RTN1: variants seen among roughly 807,000 people sequenced by gnomAD.
The protein encoded by RTN1 is reticulon-1.
In RTN1, 25 loss-of-function variants were observed where a neutral mutation model predicts 65.5. The observed-to-expected ratio is 0.38, with a 90% CI of 0.28 to 0.53. RTN1 has a LOEUF of 0.53. RTN1 is among the 20% of genes least tolerant of loss of function. RTN1 has a pLI of 0.79. For missense variants in RTN1, 983 were observed against 1,025.4 expected (o/e 0.96, Z 0.57); for synonymous variants, 471 against 447.6 (o/e 1.05, Z -0.66).
intron 1 of RTN1, among the ~76,000 whole-genome samples, chr14:59,841,298 T>C: frequency 6.6e-6 from 1 of 151,798 alleles, no homozygotes; most frequent in South Asian, 2.1e-4. Flanking sequence ...ATGAGACAAA[T>C]AAGAATGAAA....
intron 1 of RTN1, among the ~76,000 whole-genome samples, chr14:59,867,371 G>A (rs1594773517): frequency 2.6e-5 from 4 of 152,228 alleles, no homozygotes; most frequent in Admixed American, 1.3e-4. Flanking sequence ...GCCTACCTAC[G>A]GTGTATTAAA....
At chr14:59,785,822 T>G (rs1363594740) in intron 1 of RTN1, among the ~76,000 whole-genome samples, 1 of 152,148 alleles carries the variant, frequency 6.6e-6, no homozygotes, top group African/African-American at 2.4e-5. Context: ...CATTCACCCA[T>G]GAAGATTAAT....
At position 59,853,950 on chromosome 14, in the gene RTN1, C is replaced by T. The variant is rs189936831; in HGVS notation, c.241+16440G>A. Reference sequence around the variant, plus strand: ...TGTAATCTCGGCTCACTGCAACCTCCGCCTCCTGGGTTCAAGCCATTCTCC... The same window carrying T: ...TGTAATCTCGGCTCACTGCAACCTCTGCCTCCTGGGTTCAAGCCATTCTCC... On this transcript the variant is annotated intron_variant, in intron 1 of 8. Transcript: ENST00000267484. Among the ~76,000 whole-genome samples the T allele has an allele frequency of 7.6e-3, 1,154 of 151,038 alleles. 9 individuals carry two copies. Among genetic ancestry groups the T allele is most frequent in the Non-Finnish European group, 0.011 (753 of 67,784 alleles).
chr14:59,787,172 G>A (rs1886263683), intron 1 of RTN1, among the ~76,000 whole-genome samples: 1 of 152,042 alleles, frequency 6.6e-6, no homozygotes, highest in Admixed American at 6.6e-5. Context: ...ATGATGATTT[G>A]CACTGGCCCA....
chr14:59,775,431 C>T (rs73302017), intron 1 of RTN1, among the ~76,000 whole-genome samples: 4,950 of 152,040 alleles, frequency 0.033, 257 homozygotes, highest in African/African-American at 0.11. Context: ...CAAATCCTAT[C>T]CCAGTATTTT....
At position 59,633,522 on chromosome 14, in the gene RTN1, A is replaced by T. The variant is rs183621519; in HGVS notation, c.1766-26030T>A. ...GGGTGCTTTCTTTGCACAACTGCTC[A>T]CACAGTATTAATTGAAAGCTCTTGC... On this transcript the variant is annotated intron_variant, in intron 3 of 8. Transcript: ENST00000267484. Among the ~76,000 whole-genome samples, 51 of 152,370 alleles carry T rather than the reference A, an allele frequency of 3.3e-4. No individual in the cohort carries two copies. In the East Asian group the frequency reaches 5.0e-3, roughly 15 times the overall value.
intron 3 of RTN1, among the ~76,000 whole-genome samples, chr14:59,681,966 A>G (rs1355719261): frequency 6.6e-6 from 1 of 152,172 alleles, no homozygotes; most frequent in Non-Finnish European, 1.5e-5. Flanking sequence ...TCTTCTAACT[A>G]TCCTTTTGGT....
intron 3 of RTN1, among the ~76,000 whole-genome samples, chr14:59,608,752 C>A (rs1881846507): frequency 6.6e-6 from 1 of 152,130 alleles, no homozygotes; most frequent in African/African-American, 2.4e-5. Flanking sequence ...AGTAGGCAGA[C>A]CTTTGTTGGG....
chr14:59,713,157 G>A (rs1458090963), intron 3 of RTN1, among the ~76,000 whole-genome samples: 1 of 152,104 alleles, frequency 6.6e-6, no homozygotes, highest in Non-Finnish European at 1.5e-5. Flanking sequence ...AGTAGTAAGT[G>A]GAGAAGGTAA....
chr14:59,605,566 G>A (rs1363517709), intron 4 of RTN1, 60 bp from the exon 5 acceptor site: 17 of 1,574,056 alleles, frequency 1.1e-5, no homozygotes, highest in African/African-American at 5.4e-5. Flanking sequence ...ACAGGCTGCC[G>A]AACCCCAGTA....
In RTN1 at chr14:59,727,089, G is replaced by T. The variant is rs777235994; in HGVS notation, c.1595C>A (p.Pro532His). The T allele has an allele frequency of 6.2e-7, 1 of 1,611,746 alleles. No homozygotes were observed. Among genetic ancestry groups the T allele is most frequent in the Non-Finnish European group, 8.5e-7 (1 of 1,178,946 alleles). The stretch of plus-strand genomic sequence containing the variant: ...GTCTCCAGGGGGCAGCTCGGGGCCA[G>T]GCTGGGGCTCAGTTGAGGGGTAGTC... Reference protein sequence around the residue: ...FLDYPSTEPQPGPELPPGDGA... With the variant: ...FLDYPSTEPQHGPELPPGDGA... Residue 532 changes from proline to histidine, a missense_variant, in exon 3 of 9, where the codon CCT becomes CAT. This residue lies in a region of RTN1 where 818 missense variants were observed against 801.8 expected (regional missense o/e 1.02). Transcript: ENST00000267484. The surrounding 1 kb of genome is among the most constrained non-coding windows in gnomAD (Gnocchi z 4.2).
intron 1 of RTN1, among the ~76,000 whole-genome samples, chr14:59,839,270 A>G (rs1210131423): frequency 6.6e-6 from 1 of 152,204 alleles, no homozygotes; most frequent in East Asian, 1.9e-4. Context: ...AAAGTTCTGT[A>G]TTACTACAAA....
At chr14:59,641,125 AT>A (rs993096276) in intron 3 of RTN1, among the ~76,000 whole-genome samples, 18 of 151,716 alleles carry the variant, frequency 1.2e-4, no homozygotes, top group Non-Finnish European at 2.5e-4. Context: ...CACGTGGCTA[AT>A]TTTTTTGGGG....
intron 3 of RTN1, among the ~76,000 whole-genome samples, chr14:59,610,885 G>GATCA (rs1253377452): frequency 5.3e-5 from 8 of 152,152 alleles, no homozygotes; most frequent in African/African-American, 1.7e-4. Flanking sequence ...GCCCCACTCA[G>GATCA]ATCAATAAAC....
At chr14:59,711,954 G>T (rs1884429739) in intron 3 of RTN1, among the ~76,000 whole-genome samples, 1 of 152,156 alleles carries the variant, frequency 6.6e-6, no homozygotes, top group Non-Finnish European at 1.5e-5. Flanking sequence ...AAGAGCTGGT[G>T]TCAGCTCTTT....
At chr14:59,612,826 C>A (rs1881994661) in intron 3 of RTN1, among the ~76,000 whole-genome samples, 1 of 152,204 alleles carries the variant, frequency 6.6e-6, no homozygotes, top group Admixed American at 6.5e-5. Flanking sequence ...AAAAATTTTT[C>A]TTGGGCAGTT....
intron 1 of RTN1, among the ~76,000 whole-genome samples, chr14:59,819,408 ACCACCACCCCCCCCCCACCCC>A (rs753510186): frequency 0.2 from 3,779 of 18,524 alleles, 656 homozygotes; most frequent in Admixed American, 0.26. Flanking sequence ...CATCCACACC[ACCACCACCCCCCCCCCACCCC>A]CCACCCCCCC....
intron 1 of RTN1, among the ~76,000 whole-genome samples, chr14:59,856,689 A>G (rs1463345026): frequency 6.6e-6 from 1 of 152,100 alleles, no homozygotes; most frequent in Non-Finnish European, 1.5e-5. Flanking sequence ...TGCTCTCCTG[A>G]GCTTCCCCAT....
chr14:59,776,059 C>G (rs540201213), intron 1 of RTN1, among the ~76,000 whole-genome samples: 1 of 152,246 alleles, frequency 6.6e-6, no homozygotes, highest in East Asian at 1.9e-4. Context: ...CATTTTCTAT[C>G]ACTTTTTACT....
Sources: gnomAD v4.1 joint callset for allele counts (sites outside exome capture counted in the v4.1 genomes callset) on GRCh38, gnomAD v4.1.1 for gene constraint, gnomAD v4.1.1 regional missense constraint, Gnocchi (gnomAD v3.1) non-coding constraint, MANE v1.5 for transcripts, NCBI Gene and HGNC (gene_info 2026-07-23, HGNC 2026-07-21) for gene names.